The following CNTNAP2 variants were observed in gnomAD, a reference collection of about 807,000 sequenced individuals.
CNTNAP2 encodes contactin-associated protein-like 2.
Under a neutral mutation model 155.2 loss-of-function variants are expected in CNTNAP2, and 98 were observed. The ratio of observed to expected loss-of-function variants is 0.63; its 90% confidence interval spans 0.54 to 0.75. The LOEUF is 0.75. Ranked by LOEUF, CNTNAP2 falls within the 30% of genes least tolerant of loss-of-function variation. The pLI is 0.00. For missense variants in CNTNAP2, 1,727 were observed against 1,688.1 expected (o/e 1.02, Z -0.40); for synonymous variants, 651 against 631.2 (o/e 1.03, Z -0.47).
chr7:147,814,982 C>T (rs1798242346), intron 13 of CNTNAP2, among the ~76,000 whole-genome samples: 3 of 152,050 alleles, frequency 2.0e-5, no homozygotes, highest in Middle Eastern at 3.4e-3. Context: ...AATAGTAGTC[C>T]TACGTTTTAG....
chr7:148,276,822 G>A (rs923293056), intron 21 of CNTNAP2, among the ~76,000 whole-genome samples: 1 of 152,224 alleles, frequency 6.6e-6, no homozygotes, highest in East Asian at 1.9e-4. Context: ...CCAAATTGGA[G>A]GTTGCCATGG....
chr7:146,921,682 C>T (rs896954731), intron 3 of CNTNAP2, among the ~76,000 whole-genome samples: 2 of 152,106 alleles, frequency 1.3e-5, no homozygotes, highest in African/African-American at 4.8e-5. Context: ...CAATTATCTC[C>T]ACCTGGCCCC....
chr7:146,442,929 G>A (rs1268411443), intron 1 of CNTNAP2, among the ~76,000 whole-genome samples: 3 of 152,010 alleles, frequency 2.0e-5, no homozygotes, highest in Non-Finnish European at 2.9e-5. Flanking sequence ...AACATGGGCC[G>A]GGCGCGGTGG....
chr7:146,971,338 G>A (rs1304481054), intron 3 of CNTNAP2, among the ~76,000 whole-genome samples: 1 of 152,028 alleles, frequency 6.6e-6, no homozygotes, highest in Non-Finnish European at 1.5e-5. Context: ...AACATCTATT[G>A]TGTACTAAAA....
intron 15 of CNTNAP2, among the ~76,000 whole-genome samples, chr7:148,061,924 G>GAT (rs1563185308): frequency 1.6e-5 from 1 of 63,264 alleles, no homozygotes; most frequent in African/African-American, 8.5e-5. Flanking sequence ...AACAGATATA[G>GAT]ATAGATAGAT....
chr7:146,573,354 G>T (rs1461295871), intron 1 of CNTNAP2, among the ~76,000 whole-genome samples: 1 of 152,074 alleles, frequency 6.6e-6, no homozygotes, highest in African/African-American at 2.4e-5. Flanking sequence ...CGTTGGCCAG[G>T]ATGGTCTTGA....
In CNTNAP2 at chr7:146,477,565, T is replaced by C. The variant is rs949989135; in HGVS notation, c.98-296706T>C. 1.6e-4 allele frequency among the ~76,000 whole-genome samples: 24 copies of C among 147,222 alleles called. 1 individual carries two copies. Among genetic ancestry groups the C allele is most frequent in the South Asian group, 6.4e-4 (3 of 4,708 alleles). On this transcript the variant is annotated intron_variant, in intron 1 of 23. Transcript: ENST00000361727. The stretch of plus-strand genomic sequence containing the variant: ...AACCATTTTTAATTTAACTATTACT[T>C]TGTAGTTGAACTTGAGCTTCCTCTA...
At chr7:147,149,125 C>T (rs1337374431) in intron 8 of CNTNAP2, among the ~76,000 whole-genome samples, 1 of 152,176 alleles carries the variant, frequency 6.6e-6, no homozygotes, top group African/African-American at 2.4e-5. Context: ...GTCCATTTTA[C>T]AGAGAGCTGA....
intron 1 of CNTNAP2, among the ~76,000 whole-genome samples, chr7:146,428,587 TG>T (rs1796127123): frequency 6.6e-6 from 1 of 152,098 alleles, no homozygotes; most frequent in Admixed American, 6.6e-5. Context: ...CACTTTTTAA[TG>T]GGGTTGTTTG....
At chr7:148,113,926 C>T (rs184813732) in intron 15 of CNTNAP2, among the ~76,000 whole-genome samples, 206 of 152,326 alleles carry the variant, frequency 1.4e-3, no homozygotes, top group African/African-American at 4.8e-3. Flanking sequence ...AATTTCTGTT[C>T]TGTCTCACAT....
chr7:147,784,547 AT>A (rs1797709194), intron 13 of CNTNAP2, among the ~76,000 whole-genome samples: 1 of 84,784 alleles, frequency 1.2e-5, no homozygotes. Context: ...ATATATATAT[AT>A]ATGAGTTTTT....
intron 12 of CNTNAP2, among the ~76,000 whole-genome samples, chr7:147,590,077 A>C (rs903153357): frequency 6.6e-6 from 1 of 152,186 alleles, no homozygotes. Flanking sequence ...ATAAATTTTC[A>C]CAGTATAAAA....
chr7:148,100,663 C>A (rs1405950788), intron 15 of CNTNAP2, among the ~76,000 whole-genome samples: 1 of 152,116 alleles, frequency 6.6e-6, no homozygotes, highest in Non-Finnish European at 1.5e-5. Flanking sequence ...TGGTTTATGC[C>A]ACATTATGTC....
intron 2 of CNTNAP2, among the ~76,000 whole-genome samples, chr7:146,780,955 G>A (rs545589126): frequency 1.1e-4 from 16 of 152,062 alleles, no homozygotes; most frequent in African/African-American, 2.6e-4. Flanking sequence ...AGGGCCGGGC[G>A]CGGTGGCTCA....
chr7:147,706,413 G>A (rs1328883552), intron 13 of CNTNAP2, among the ~76,000 whole-genome samples: 2 of 151,720 alleles, frequency 1.3e-5, no homozygotes, highest in Admixed American at 1.3e-4. Flanking sequence ...TAATCCTTGG[G>A]TGGCATTTTT....
At chr7:146,789,421 C>A (rs954185779) in intron 2 of CNTNAP2, among the ~76,000 whole-genome samples, 7 of 152,010 alleles carry the variant, frequency 4.6e-5, no homozygotes, top group East Asian at 1.9e-4. Flanking sequence ...TTTGTGATTT[C>A]TTTGCATGTT....
chr7:147,215,808 G>T (rs1256249538), intron 8 of CNTNAP2, among the ~76,000 whole-genome samples: 1 of 152,094 alleles, frequency 6.6e-6, no homozygotes, highest in Admixed American at 6.6e-5. Context: ...ATTTTCACTG[G>T]TAATAAATGA....
intron 1 of CNTNAP2, among the ~76,000 whole-genome samples, chr7:146,144,932 G>A (rs1223563497): frequency 1.3e-5 from 2 of 152,138 alleles, no homozygotes; most frequent in African/African-American, 4.8e-5. Flanking sequence ...GAAATGTCAG[G>A]AAGAAAGTCC....
chr7:148,093,610 G>C (rs1010463785), intron 15 of CNTNAP2, among the ~76,000 whole-genome samples: 1 of 152,118 alleles, frequency 6.6e-6, no homozygotes, highest in Non-Finnish European at 1.5e-5. Context: ...ACATACCTTC[G>C]TTTTACAGAC....
Sources: gnomAD v4.1 joint callset for allele counts (sites outside exome capture counted in the v4.1 genomes callset) on GRCh38, gnomAD v4.1.1 for gene constraint, MANE v1.5 for transcripts, NCBI Gene and HGNC (gene_info 2026-07-23, HGNC 2026-07-21) for gene names.